Variants in FRMPD4 observed in about 807,000 individuals in gnomAD.
FRMPD4 encodes FERM and PDZ domain containing 4.
FRMPD4 carries 22 observed loss-of-function variants against 94.1 expected under a neutral mutation model. The observed-to-expected ratio is 0.23, with a 90% CI of 0.17 to 0.33. FRMPD4 has a LOEUF of 0.33. Among genes scored for constraint, FRMPD4 ranks in the 10% least tolerant of loss-of-function variants. The pLI, the probability that FRMPD4 is intolerant of heterozygous loss-of-function variation, is 1.00. For synonymous variants in FRMPD4, 631 were observed against 548.6 expected, an observed-to-expected ratio of 1.15 and a Z score of -2.10; for missense variants, 1,111 against 1,339.9, an observed-to-expected ratio of 0.83 and a Z score of 2.67.
intron 1 of FRMPD4, among the ~76,000 whole-genome samples, chrX:12,409,278 C>T (rs2056703533): frequency 1.8e-5 from 2 of 111,552 alleles, no homozygotes; most frequent in Non-Finnish European, 3.8e-5. Context: ...TCACTACTGG[C>T]ATCTAGTGAC....
At chrX:12,532,091 A>G (rs1392044880) in intron 2 of FRMPD4, among the ~76,000 whole-genome samples, 2 of 111,869 alleles carry the variant, frequency 1.8e-5, no homozygotes, top group Non-Finnish European at 3.8e-5. Context: ...TGTGAGAAAA[A>G]CAAACGACAA....
At chrX:12,598,249 A>G (rs2059051319) in intron 2 of FRMPD4, among the ~76,000 whole-genome samples, 1 of 110,406 alleles carries the variant, frequency 9.1e-6, no homozygotes, top group Admixed American at 9.8e-5. Context: ...GGCACCTACT[A>G]GATTTCTCCA....
At chrX:11,988,653 A>G (rs747717558) in intron 3 of FRMPD4, among the ~76,000 whole-genome samples, 9 of 111,986 alleles carry the variant, frequency 8.0e-5, no homozygotes, top group Non-Finnish European at 1.7e-4. Flanking sequence ...ACAATCAACA[A>G]AGTGAAGAGA....
chrX:12,304,693 GCCCTTC>G (rs1320411347), intron 1 of FRMPD4, among the ~76,000 whole-genome samples: 2 of 111,782 alleles, frequency 1.8e-5, no homozygotes, highest in East Asian at 5.6e-4. Context: ...ATTTAAGGCA[GCCCTTC>G]CCGTCACTCA....
At chrX:12,312,316 G>A (rs1157753847) in intron 1 of FRMPD4, among the ~76,000 whole-genome samples, 2 of 94,495 alleles carry the variant, frequency 2.1e-5, no homozygotes, top group Non-Finnish European at 4.1e-5. Flanking sequence ...GCAGTGGTGC[G>A]ATTTTGGCTC....
chrX:12,712,581 T>C (rs1203135095), intron 14 of FRMPD4, among the ~76,000 whole-genome samples: 1 of 110,122 alleles, frequency 9.1e-6, no homozygotes, highest in African/African-American at 3.3e-5. Context: ...TAGAACGTGA[T>C]AGAAACACAG....
intron 1 of FRMPD4, among the ~76,000 whole-genome samples, chrX:12,436,854 T>C (rs1007061949): frequency 2.7e-5 from 3 of 111,623 alleles, no homozygotes; most frequent in Non-Finnish European, 5.6e-5. Context: ...GGTTTACTTA[T>C]CTTTGCTATT....
chrX:11,884,781 T>G (rs1477512175), intron 3 of FRMPD4, among the ~76,000 whole-genome samples: 1 of 111,916 alleles, frequency 8.9e-6, no homozygotes, highest in Admixed American at 9.6e-5. Flanking sequence ...TATAAAAATT[T>G]TTAAAATACT....
intron 1 of FRMPD4, among the ~76,000 whole-genome samples, chrX:12,197,261 A>G (rs942785736): frequency 1.8e-5 from 2 of 111,033 alleles, no homozygotes; most frequent in African/African-American, 6.6e-5. Flanking sequence ...GCCATGACAC[A>G]CTTTAAATCT....
chrX:12,404,256 C>T (rs1412518966), intron 1 of FRMPD4, among the ~76,000 whole-genome samples: 1 of 111,916 alleles, frequency 8.9e-6, no homozygotes, highest in African/African-American at 3.2e-5. Flanking sequence ...CTTCAAATCA[C>T]GTAGTACCCA....
chrX:12,485,783 C>T (rs2057733171), intron 1 of FRMPD4, among the ~76,000 whole-genome samples: 1 of 110,659 alleles, frequency 9.0e-6, no homozygotes, highest in African/African-American at 3.3e-5. Context: ...GTGGCATGCA[C>T]CTGTAATCCC....
At chrX:12,233,765 T>A (rs1477708146) in intron 1 of FRMPD4, among the ~76,000 whole-genome samples, 1 of 110,561 alleles carries the variant, frequency 9.0e-6, no homozygotes, top group African/African-American at 3.3e-5. Context: ...AGAGGGACAT[T>A]TGGAAATGGA....
intron 1 of FRMPD4, among the ~76,000 whole-genome samples, chrX:12,274,908 C>G (rs1276163810): frequency 8.9e-6 from 1 of 111,859 alleles, no homozygotes; most frequent in Non-Finnish European, 1.9e-5. Flanking sequence ...ACTCGGGAGG[C>G]TGAGGCAGGA....
At chrX:11,834,809 A>T (rs927126162) in intron 1 of FRMPD4, among the ~76,000 whole-genome samples, 1 of 112,140 alleles carries the variant, frequency 8.9e-6, no homozygotes, top group Non-Finnish European at 1.9e-5. Context: ...AACTTATTTA[A>T]AAAACCATAA....
intron 1 of FRMPD4, among the ~76,000 whole-genome samples, chrX:12,317,585 C>CAAAAAAAAAACAAAAA (rs2055139616): frequency 2.4e-5 from 1 of 42,449 alleles, no homozygotes; most frequent in African/African-American, 8.3e-5. Flanking sequence ...AACTAAATAG[C>CAAAAAAAAAACAAAAA]AAAAAAAAAA....
intron 9 of FRMPD4, among the ~76,000 whole-genome samples, chrX:12,699,745 A>G (rs2060169187): frequency 8.9e-6 from 1 of 112,936 alleles, no homozygotes; most frequent in Non-Finnish European, 1.9e-5. Context: ...GCATACAAAT[A>G]TATTTAACGT....
chrX:12,172,464 A>G (rs16998904), intron 1 of FRMPD4, among the ~76,000 whole-genome samples: 3 of 111,307 alleles, frequency 2.7e-5, no homozygotes, highest in Non-Finnish European at 5.6e-5. Flanking sequence ...CTGCTTAAAC[A>G]AGACCTTTTC....
intron 3 of FRMPD4, 96 bp from the exon 4 acceptor site, chrX:12,614,683 G>A (rs778001477): frequency 3.9e-5 from 19 of 486,319 alleles, no homozygotes; most frequent in Admixed American, 8.4e-5. Context: ...TTTGCTGATA[G>A]CACCATTTGC....
At chrX:12,172,319 C>A (rs1350301757) in intron 1 of FRMPD4, among the ~76,000 whole-genome samples, 1 of 110,326 alleles carries the variant, frequency 9.1e-6, no homozygotes, top group African/African-American at 3.3e-5. Context: ...TGACTGTATT[C>A]TCTCCCTTGG....
Sources: gnomAD v4.1 joint callset for allele counts (sites outside exome capture counted in the v4.1 genomes callset) on GRCh38, gnomAD v4.1.1 for gene constraint, MANE v1.5 for transcripts, NCBI Gene and HGNC (gene_info 2026-07-23, HGNC 2026-07-21) for gene names.